The following SLC45A4 variants were observed in gnomAD, a reference collection of about 807,000 sequenced individuals.
The protein encoded by SLC45A4 is polyamine-transporter SLC45A4.
A neutral mutation model predicts 63.7 loss-of-function variants in SLC45A4; 32 were observed. The observed-to-expected ratio is 0.50, with a 90% confidence interval of 0.38 to 0.67. SLC45A4 has a LOEUF of 0.67. SLC45A4 is among the 30% of genes least tolerant of loss of function. SLC45A4 has a pLI of 0.00. For missense variants in SLC45A4, 1,027 were observed against 1,157.7 expected, an observed-to-expected ratio of 0.89 and a Z score of 1.64; for synonymous variants, 535 against 510.0, an observed-to-expected ratio of 1.05 and a Z score of -0.66.
chr8:141,241,221 C>T (rs1015934125), intron 2 of SLC45A4, among the ~76,000 whole-genome samples: 5 of 152,272 alleles, frequency 3.3e-5, no homozygotes, highest in Admixed American at 1.3e-4. Context: ...AGTGGCTCTG[C>T]GGGCAGGCGG....
chr8:141,307,182 C>T (rs1830922311), intron 1 of SLC45A4, among the ~76,000 whole-genome samples: 1 of 151,880 alleles, frequency 6.6e-6, no homozygotes, highest in African/African-American at 2.4e-5. Context: ...GCTGGAAAAG[C>T]CGCTGCTGGA....
At chr8:141,216,342 GAC>G (rs1826152602) in intron 6 of SLC45A4, among the ~76,000 whole-genome samples, 1 of 152,216 alleles carries the variant, frequency 6.6e-6, no homozygotes, top group African/African-American at 2.4e-5. Context: ...GGTAGCAGTG[GAC>G]AGTCCTGCCT....
At chr8:141,242,790 C>T (rs1053894081) in intron 2 of SLC45A4, among the ~76,000 whole-genome samples, 1 of 152,108 alleles carries the variant, frequency 6.6e-6, no homozygotes, top group African/African-American at 2.4e-5. Flanking sequence ...GACTGGAGGC[C>T]ACACGTTGGG....
Position 141,212,337 on chromosome 8 carries a change from C to G in SLC45A4, c.2161G>C (p.Glu721Gln). 1 of 1,613,398 alleles carries G rather than the reference C, an allele frequency of 6.2e-7. No homozygotes were observed. Among genetic ancestry groups the G allele is most frequent in the Admixed American group, 1.7e-5 (1 of 60,018 alleles). The change falls in exon 8 of 9, where the codon GAG becomes CAG. Residue 721 changes from glutamate to glutamine, a missense_variant. By Grantham distance (29) the Glu-to-Gln change is conservative. Transcript: ENST00000517878. ...CCTTTCTGCTCCTCCTTGGCCTCCT[C>G]TGACACGTTGGGATAGATCACCAGG... ...TFLVIYPNVS[E>Q]EAKEEQKGLS... is the part of the protein sequence containing the mutation.
At chr8:141,302,911 CT>C (rs1239281806) in intron 1 of SLC45A4, among the ~76,000 whole-genome samples, 2 of 152,092 alleles carry the variant, frequency 1.3e-5, no homozygotes, top group African/African-American at 4.8e-5. Context: ...ATGTATTTCC[CT>C]AAAATGATGA....
chr8:141,233,943 C>T lies in SLC45A4; in HGVS notation c.242-12178G>A, dbSNP rs1209575794. 4.6e-5 allele frequency among the ~76,000 whole-genome samples: 7 copies of T among 152,290 alleles called. No individual in the cohort carries two copies. The East Asian group carries it at 1.2e-3, about 25-fold the overall frequency. ...CCATGGTTGAGTGGAGGCTGAATTC[C>T]GAGTCTGAATCCCAGCTCTACCATC... is the stretch of plus-strand genomic sequence containing the variant. On this transcript the variant is annotated intron_variant, in intron 2 of 8. Transcript: ENST00000517878.
intron 1 of SLC45A4, among the ~76,000 whole-genome samples, chr8:141,279,550 G>A (rs771040087): frequency 3.3e-5 from 5 of 152,306 alleles, no homozygotes; most frequent in African/African-American, 4.8e-5. Flanking sequence ...GTTGTAAACC[G>A]ACAATTCATA....
At position 141,254,795 on chromosome 8, in the gene SLC45A4, C is replaced by T; in HGVS notation, c.-400-166G>A. 3.3e-6 allele frequency: 2 copies of T among 602,262 alleles called. No homozygotes were observed. Among genetic ancestry groups the T allele is most frequent in the South Asian group, 1.6e-5 (1 of 63,178 alleles). The allele number at this position is 602,262 out of a possible 1,614,324, so 37.3% of individuals were successfully genotyped here. A position where few individuals can be genotyped will look rare whatever the true frequency, so the allele number is the denominator to read the frequency against. The stretch of plus-strand genomic sequence containing the variant: ...GGGTACGTCTGTGCAAATAACCAAA[C>T]CTACTTTCTAGAAAAACATTTTCTC... On this transcript the variant is annotated intron_variant, in intron 1 of 8. Transcript: ENST00000517878. This position sits in a 1 kb window ranked among gnomAD's most constrained non-coding sequence, Gnocchi z 4.5.
rs1207456504 is a variant in SLC45A4, at chr8:141,210,733, ACTTT to A, written c.*835_*838del. The A allele has an allele frequency of 6.6e-6, 1 of 152,212 alleles. No homozygotes were observed. Among genetic ancestry groups the A allele is most frequent in the Admixed American group, 6.5e-5 (1 of 15,290 alleles). The allele number at this position is 152,212 out of a possible 1,614,324, so 9.4% of individuals were successfully genotyped here. On this transcript the variant is annotated 3_prime_UTR_variant, in exon 9 of 9. Transcript: ENST00000517878. The stretch of plus-strand genomic sequence containing the variant: ...GCATGATTCTCATGCATTTCAAAGT[ACTTT>A]ATTTAAAAAACAACTTGAGGCAGCA...
chr8:141,266,359 C>T (rs139122686), intron 1 of SLC45A4, among the ~76,000 whole-genome samples: 44 of 152,322 alleles, frequency 2.9e-4, no homozygotes, highest in African/African-American at 1.1e-3. Context: ...TCTGCACCCA[C>T]CACCCAGAAA....
intron 1 of SLC45A4, among the ~76,000 whole-genome samples, chr8:141,296,489 ACCT>A (rs1203025744): frequency 5.7e-5 from 8 of 140,156 alleles, no homozygotes; most frequent in African/African-American, 2.1e-4. Flanking sequence ...ACAGAGCAAG[ACCT>A]CATTTCTTAA....
intron 5 of SLC45A4, 145 bp from the exon 6 acceptor site, chr8:141,217,334 A>T (rs1826219943): frequency 2.6e-6 from 2 of 783,012 alleles, no homozygotes; most frequent in Non-Finnish European, 4.0e-6. Flanking sequence ...AGCCCAGCCC[A>T]AGTCGGTTGC....
chr8:141,223,162 A>G (rs1216197759), intron 2 of SLC45A4, among the ~76,000 whole-genome samples: 1 of 152,242 alleles, frequency 6.6e-6, no homozygotes, highest in Non-Finnish European at 1.5e-5. Flanking sequence ...TCACTAAAAC[A>G]TGTATGCATT....
chr8:141,217,024 C>T (rs1203670534), intron 6 of SLC45A4, 66 bp downstream of exon 6: 15 of 1,514,592 alleles, frequency 9.9e-6, no homozygotes, highest in Non-Finnish European at 1.3e-5. Context: ...AGGATTCTCT[C>T]GTCTGCATTT....
chr8:141,273,654 A>T (rs1411246101), intron 1 of SLC45A4, among the ~76,000 whole-genome samples: 1 of 152,130 alleles, frequency 6.6e-6, no homozygotes, highest in Non-Finnish European at 1.5e-5. Flanking sequence ...CAATTGAGGA[A>T]TACCACTAAT....
At chr8:141,266,863 C>T (rs1441826110) in intron 1 of SLC45A4, among the ~76,000 whole-genome samples, 1 of 152,176 alleles carries the variant, frequency 6.6e-6, no homozygotes, top group African/African-American at 2.4e-5. Context: ...TGTTGAAGTG[C>T]CTTATTCCCA....
chr8:141,308,156 C>G lies in SLC45A4; in HGVS notation c.-461G>C, dbSNP rs967957033. ...GCGGCCGGGCCGGGCCGGGCAGGGG[C>G]TACGGGGGCGCGGAGCCCCGGGCGC... On this transcript the variant is annotated 5_prime_UTR_variant, in exon 1 of 9. Coordinates refer to ENST00000517878, the MANE Select transcript of SLC45A4 (RefSeq NM_001286646.2). 2.0e-5 allele frequency: 3 copies of G among 147,450 alleles called. No individual in the cohort carries two copies. The highest frequency in any genetic ancestry group is 3.0e-5 in the Non-Finnish European group (2 of 65,940). The allele number at this position is 147,450 out of a possible 1,614,324, so 9.1% of individuals were successfully genotyped here.
chr8:141,253,595 G>A (rs1383914070), intron 2 of SLC45A4, among the ~76,000 whole-genome samples: 1 of 152,170 alleles, frequency 6.6e-6, no homozygotes, highest in Admixed American at 6.5e-5. Flanking sequence ...AAGGGCTCCC[G>A]AATTCGCCTG....
At chr8:141,239,529 T>G (rs2154614458) in intron 2 of SLC45A4, among the ~76,000 whole-genome samples, 1 of 152,184 alleles carries the variant, frequency 6.6e-6, no homozygotes, top group South Asian at 2.1e-4. Flanking sequence ...CTTAGTCACC[T>G]GCTTAGCAAA....
Sources: allele counts gnomAD v4.1 joint callset (sites outside exome capture counted in the v4.1 genomes callset), GRCh38; gene constraint gnomAD v4.1.1; non-coding constraint Gnocchi (gnomAD v3.1); transcripts MANE v1.5; gene names NCBI Gene and HGNC (gene_info 2026-07-23, HGNC 2026-07-21).